Variants in EYS observed in about 807,000 individuals in gnomAD.
EYS encodes EGF-like photoreceptor maintenance factor.
In EYS, 250 loss-of-function variants were observed where a neutral mutation model predicts 282.1. The ratio of observed to expected loss-of-function variants is 0.89; its 90% CI spans 0.80 to 0.98. EYS has a LOEUF of 0.98. Ranked by LOEUF, EYS falls within the 50% of genes least tolerant of loss-of-function variation. EYS has a pLI of 0.00. For missense variants in EYS, 4,016 were observed against 3,709.0 expected (o/e 1.08, Z -2.15); for synonymous variants, 1,355 against 1,282.9 (o/e 1.06, Z -1.20).
At chr6:65,141,110 A>G (rs1764326036) in intron 12 of EYS, among the ~76,000 whole-genome samples, 2 of 152,012 alleles carry the variant, frequency 1.3e-5, no homozygotes, top group South Asian at 4.2e-4. Flanking sequence ...CAACAATGAT[A>G]GACTGGATTA....
intron 22 of EYS, among the ~76,000 whole-genome samples, chr6:64,732,926 A>G (rs950284956): frequency 6.6e-6 from 1 of 152,190 alleles, no homozygotes; most frequent in Non-Finnish European, 1.5e-5. Flanking sequence ...TCTCTAAAAC[A>G]CTAGGTAATC....
chr6:63,769,235 A>C (rs924517419), intron 40 of EYS, among the ~76,000 whole-genome samples: 1 of 152,012 alleles, frequency 6.6e-6, no homozygotes, highest in African/African-American at 2.4e-5. Context: ...GTTGAAAAAA[A>C]CCCCACTTTT....
chr6:65,417,627 G>A (rs557317087), intron 5 of EYS, among the ~76,000 whole-genome samples: 1 of 152,018 alleles, frequency 6.6e-6, no homozygotes, highest in African/African-American at 2.4e-5. Flanking sequence ...TGAAAGCAAA[G>A]ATTACACATA....
chr6:65,596,957 G>A (rs1765429731), intron 2 of EYS, among the ~76,000 whole-genome samples: 1 of 151,974 alleles, frequency 6.6e-6, no homozygotes, highest in Admixed American at 6.6e-5. Context: ...AGAATGATGA[G>A]CTTCTGCTTT....
Position 64,842,411 on chromosome 6 carries a change from GT to G in EYS, c.2993-19590del, listed in dbSNP as rs527943163. 3.3e-5 allele frequency among the ~76,000 whole-genome samples: 5 copies of G among 151,916 alleles called. No homozygotes were observed. The South Asian group carries it at 1.0e-3, about 32-fold the overall frequency. On this transcript the variant is annotated intron_variant, in intron 19 of 42. Transcript: ENST00000503581. ...CTCCCATAATTCCGTGTTGTGGGAG[GT>G]ACCAGTAGAGTGGGGCACTGCTGAA...
At chr6:64,983,127 C>T (rs1235551510) in intron 14 of EYS, among the ~76,000 whole-genome samples, 2 of 151,178 alleles carry the variant, frequency 1.3e-5, no homozygotes, top group Non-Finnish European at 3.0e-5. Context: ...ATAAAGCGTT[C>T]ATATTACGCA....
At chr6:64,085,958 G>A (rs950407602) in intron 31 of EYS, among the ~76,000 whole-genome samples, 4 of 152,256 alleles carry the variant, frequency 2.6e-5, no homozygotes, top group Admixed American at 6.5e-5. Flanking sequence ...ATACTAAGCC[G>A]TCATTTTTAT....
intron 33 of EYS, among the ~76,000 whole-genome samples, chr6:64,025,457 G>T (rs1401435160): frequency 1.3e-5 from 2 of 152,104 alleles, no homozygotes; most frequent in Admixed American, 1.3e-4. Flanking sequence ...ATGCCTACCA[G>T]ACAAACTTCC....
chr6:64,658,374 G>A (rs561223100), intron 22 of EYS, among the ~76,000 whole-genome samples: 2 of 152,302 alleles, frequency 1.3e-5, no homozygotes, highest in African/African-American at 4.8e-5. Context: ...TCTCCGTCCA[G>A]CATTGTTCTG....
intron 33 of EYS, among the ~76,000 whole-genome samples, chr6:64,033,463 A>G (rs1769958116): frequency 6.6e-6 from 1 of 152,154 alleles, no homozygotes; most frequent in Non-Finnish European, 1.5e-5. Flanking sequence ...TCATCTCTGA[A>G]CCTGAAAAAG....
At chr6:64,120,054 C>T (rs1021570305) in intron 31 of EYS, among the ~76,000 whole-genome samples, 3 of 151,678 alleles carry the variant, frequency 2.0e-5, no homozygotes, top group African/African-American at 2.4e-5. Context: ...TTTAGAAAAA[C>T]GTATATCTTT....
At chr6:63,721,869 G>T (rs986006537) in intron 42 of EYS, 72 bp from the exon 43 acceptor site, 40 of 1,392,846 alleles carry the variant, frequency 2.9e-5, no homozygotes, top group Non-Finnish European at 3.6e-5. Context: ...GCTGTTTCTG[G>T]CCAAGTTGGA....
intron 35 of EYS, among the ~76,000 whole-genome samples, chr6:63,957,343 G>A (rs1444453816): frequency 7.1e-6 from 1 of 140,694 alleles, no homozygotes; most frequent in African/African-American, 2.4e-5. Context: ...ACCTTGTTTG[G>A]CCTCAGCTCA....
At chr6:65,010,542 T>A (rs1189321092) in intron 13 of EYS, among the ~76,000 whole-genome samples, 8 of 152,048 alleles carry the variant, frequency 5.3e-5, no homozygotes, top group African/African-American at 1.9e-4. Flanking sequence ...ATTTTAGAGG[T>A]TCCCTTGACT....
chr6:63,769,488 A>C (rs1769879326), intron 40 of EYS, among the ~76,000 whole-genome samples: 1 of 152,064 alleles, frequency 6.6e-6, no homozygotes, highest in Non-Finnish European at 1.5e-5. Context: ...AAGACCATTC[A>C]AAAAATGTTA....
chr6:63,968,305 T>G (rs1482680005), intron 35 of EYS, among the ~76,000 whole-genome samples: 1 of 152,182 alleles, frequency 6.6e-6, no homozygotes, highest in African/African-American at 2.4e-5. Flanking sequence ...TACATCATAA[T>G]ATTTTCAAGG....
intron 19 of EYS, among the ~76,000 whole-genome samples, chr6:64,863,013 C>T (rs1192345048): frequency 2.0e-5 from 3 of 151,984 alleles, no homozygotes; most frequent in Non-Finnish European, 2.9e-5. Context: ...AAGGATTGGC[C>T]AATAGTTTTT....
intron 29 of EYS, among the ~76,000 whole-genome samples, chr6:64,381,493 T>A (rs2150420066): frequency 6.6e-6 from 1 of 152,246 alleles, no homozygotes; most frequent in African/African-American, 2.4e-5. Context: ...TCCATGTTAT[T>A]TTTTTGAGAT....
intron 8 of EYS, among the ~76,000 whole-genome samples, chr6:65,374,162 A>T (rs1765264703): frequency 6.6e-6 from 1 of 152,082 alleles, no homozygotes; most frequent in African/African-American, 2.4e-5. Context: ...GTGATTTCTA[A>T]TTTCTGTATT....
Sources: allele counts gnomAD v4.1 joint callset (sites outside exome capture counted in the v4.1 genomes callset), GRCh38; gene constraint gnomAD v4.1.1; transcripts MANE v1.5; gene names NCBI Gene and HGNC (gene_info 2026-07-23, HGNC 2026-07-21).